CCDC141: variants seen among roughly 807,000 people sequenced by gnomAD.
CCDC141 encodes the protein coiled-coil domain-containing protein 141.
In CCDC141, 168 loss-of-function variants were observed where a neutral mutation model predicts 181.0. The observed-to-expected ratio is 0.93, with a 90% CI of 0.82 to 1.05. The LOEUF (loss-of-function observed/expected upper bound fraction) is 1.05. Ranked by LOEUF, CCDC141 falls within the 50% of genes least tolerant of loss-of-function variation. CCDC141 has a pLI of 0.00. For synonymous variants in CCDC141, 666 were observed against 642.3 expected (o/e 1.04, Z -0.56); for missense variants, 1,902 against 1,788.5 (o/e 1.06, Z -1.14).
intron 2 of CCDC141, among the ~76,000 whole-genome samples, chr2:178,990,151 A>AT (rs1333396138): frequency 6.6e-6 from 1 of 151,514 alleles, no homozygotes; most frequent in Admixed American, 6.6e-5. Flanking sequence ...AAAAAAAAAA[A>AT]AAGAAAGAAA....
At chr2:178,984,585 G>C (rs1423046035) in intron 2 of CCDC141, among the ~76,000 whole-genome samples, 16 of 149,724 alleles carry the variant, frequency 1.1e-4, no homozygotes, top group South Asian at 4.3e-4. Flanking sequence ...CACGTGCAGA[G>C]ACACACATAG....
At chr2:178,890,136 A>G (rs1170242926) in intron 8 of CCDC141, among the ~76,000 whole-genome samples, 4 of 152,222 alleles carry the variant, frequency 2.6e-5, no homozygotes, top group African/African-American at 9.6e-5. Context: ...GGTACAGAGA[A>G]CAAAGGTTGT....
At chr2:178,965,159 T>C (rs1181871468) in intron 4 of CCDC141, among the ~76,000 whole-genome samples, 1 of 152,222 alleles carries the variant, frequency 6.6e-6, no homozygotes, top group Non-Finnish European at 1.5e-5. Context: ...GTAAGATATT[T>C]CTTCCTAATA....
chr2:178,925,235 GT>G (rs1688866253), intron 6 of CCDC141, among the ~76,000 whole-genome samples: 1 of 152,162 alleles, frequency 6.6e-6, no homozygotes, highest in Non-Finnish European at 1.5e-5. Flanking sequence ...AGATATTTTA[GT>G]GTTAGATATT....
intron 2 of CCDC141, among the ~76,000 whole-genome samples, chr2:179,015,618 C>A (rs1342808055): frequency 1.4e-5 from 1 of 69,498 alleles, no homozygotes; most frequent in African/African-American, 4.0e-5. Context: ...TCATATAGCT[C>A]ATATATATCT....
chr2:178,880,103 G>A (rs1423352153), intron 11 of CCDC141, among the ~76,000 whole-genome samples: 1 of 152,172 alleles, frequency 6.6e-6, no homozygotes, highest in Non-Finnish European at 1.5e-5. Context: ...TAGGCTGGGT[G>A]TCAATATTAT....
intron 2 of CCDC141, among the ~76,000 whole-genome samples, chr2:179,005,391 TG>T (rs1369979665): frequency 6.6e-6 from 1 of 152,156 alleles, no homozygotes; most frequent in African/African-American, 2.4e-5. Context: ...TACGTTATAA[TG>T]TATATATTAC....
the CCDC141 span, among the ~76,000 whole-genome samples, chr2:178,819,186 C>T: frequency 3.3e-5 from 5 of 152,096 alleles, no homozygotes; most frequent in Non-Finnish European, 5.9e-5. Flanking sequence ...TACTTAGGGG[C>T]CTTTTTGCCA....
At chr2:178,877,337 AAAG>A in intron 12 of CCDC141, 1 of 152,348 alleles carries the variant, frequency 6.6e-6, no homozygotes, top group East Asian at 1.9e-4. Context: ...AACATTAAAA[AAAG>A]AAGGTTTCTA....
rs139344977 is a variant in CCDC141 at position 178,862,779 on chromosome 2, A to C, written c.2724+2988T>G. 1.7e-3 allele frequency among the ~76,000 whole-genome samples: 266 copies of C among 152,346 alleles called. 2 individuals carry two copies. The highest frequency in any genetic ancestry group is 0.011 in the East Asian group (56 of 5,188). On this transcript the variant is annotated intron_variant, in intron 17 of 23. Transcript: ENST00000443758. Reference sequence around the variant, plus strand: ...TCTCAAAGATAAAGCACAAACTATCATTCGTTGTCTCTAAGGCACATCACA... The same window carrying C: ...TCTCAAAGATAAAGCACAAACTATCCTTCGTTGTCTCTAAGGCACATCACA...
intron 2 of CCDC141, among the ~76,000 whole-genome samples, chr2:179,013,144 G>A (rs1245457821): frequency 6.6e-6 from 1 of 151,946 alleles, no homozygotes; most frequent in Non-Finnish European, 1.5e-5. Context: ...AGAAATAAAG[G>A]GCATCCAAAT....
chr2:178,871,593 A>T, intron 13 of CCDC141, 41 bp from the exon 14 acceptor site: 1 of 1,602,154 alleles, frequency 6.2e-7, no homozygotes, highest in Non-Finnish European at 8.5e-7. Flanking sequence ...ATTTTCTTTG[A>T]CATCTCCAGC....
intron 2 of CCDC141, among the ~76,000 whole-genome samples, chr2:179,015,278 CTA>C (rs2042441747): frequency 8.9e-6 from 1 of 111,950 alleles, no homozygotes; most frequent in South Asian, 3.0e-4. Flanking sequence ...TATATCTCAT[CTA>C]TCTCTCATAT....
rs1049297632 is a variant in CCDC141 at position 178,935,394 on chromosome 2, A to G, written c.897+9141T>C. Among the ~76,000 whole-genome samples the G allele has an allele frequency of 7.2e-5, 11 of 152,214 alleles. No individual in the cohort carries two copies. The East Asian group carries it at 1.7e-3, about 24-fold the overall frequency. On this transcript the variant is annotated intron_variant, in intron 6 of 23. Transcript: ENST00000443758. ...GCAGTATTTTGTTTTCTGTTCCTGC[A>G]TTAGTTTGCTAAGGATAATAGCCTC...
intron 21 of CCDC141, among the ~76,000 whole-genome samples, chr2:178,849,626 G>A (rs895098023): frequency 2.0e-5 from 3 of 152,160 alleles, no homozygotes; most frequent in African/African-American, 7.2e-5. Flanking sequence ...ATGAGGAAAA[G>A]TGTTGAATGA....
rs1439581828 is a variant in CCDC141, at chr2:179,041,673, T to C, written c.225+5611A>G. ...GGTATGCTGTCTTTAAGAGATCATC[T>C]CACATGCAAAGACTCACATAGGCTC... On this transcript the variant is annotated intron_variant, in intron 2 of 23. Transcript: ENST00000443758. Among the ~76,000 whole-genome samples, 6 of 151,874 alleles carry C rather than the reference T, an allele frequency of 4.0e-5. No individual in the cohort carries two copies. In the South Asian group the frequency reaches 8.3e-4, roughly 21 times the overall value.
chr2:179,028,501 C>T (rs1190410242), intron 2 of CCDC141, among the ~76,000 whole-genome samples: 2 of 152,302 alleles, frequency 1.3e-5, no homozygotes, highest in South Asian at 2.1e-4. Context: ...TCCCCTGAAA[C>T]TATTTTAGCA....
At chr2:178,983,615 C>T (rs895893427) in intron 2 of CCDC141, among the ~76,000 whole-genome samples, 29 of 145,728 alleles carry the variant, frequency 2.0e-4, no homozygotes, top group African/African-American at 7.1e-4. Context: ...CAGAGAAGTG[C>T]TTAAAGGAGC....
chr2:178,852,267 T>C (rs1428530118), intron 20 of CCDC141, among the ~76,000 whole-genome samples: 3 of 152,200 alleles, frequency 2.0e-5, no homozygotes, highest in South Asian at 2.1e-4. Context: ...GCACTTCTCA[T>C]GCTCTGAGAT....
Sources: gnomAD v4.1 joint callset for allele counts (sites outside exome capture counted in the v4.1 genomes callset) on GRCh38, gnomAD v4.1.1 for gene constraint, MANE v1.5 for transcripts, NCBI Gene and HGNC (gene_info 2026-07-23, HGNC 2026-07-21) for gene names.